ZNF506: variants seen among roughly 807,000 people sequenced by gnomAD.
ZNF506 encodes zinc finger protein 506.
Under a neutral mutation model 11.6 loss-of-function variants are expected in ZNF506, and 10 were observed. The ratio of observed to expected loss-of-function variants is 0.86; its 90% CI spans 0.53 to 1.46. The LOEUF (loss-of-function observed/expected upper bound fraction) is 1.46, where lower values mean the gene tolerates loss of function less well. Among genes scored for constraint, ZNF506 ranks in the 40% most tolerant of loss-of-function variants. ZNF506 has a pLI of 0.00. For missense variants in ZNF506, 425 were observed against 521.2 expected, an observed-to-expected ratio of 0.82 and a Z score of 1.80; for synonymous variants, 156 against 173.3, an observed-to-expected ratio of 0.90 and a Z score of 0.78.
intron 3 of ZNF506, chr19:19,797,708 T>A (rs73008613): frequency 2.0e-5 from 3 of 151,922 alleles, no homozygotes; most frequent in Non-Finnish European, 4.4e-5. Context: ...ATAAACAAAA[T>A]TCCAAAAATC....
chr19:19,815,120 C>T (rs560264168), intron 1 of ZNF506, among the ~76,000 whole-genome samples: 42 of 152,106 alleles, frequency 2.8e-4, no homozygotes, highest in Non-Finnish European at 5.0e-4. Flanking sequence ...ATTAGCCAGG[C>T]GTGGTGGCGG....
At chr19:19,816,565 A>G (rs180751630) in intron 1 of ZNF506, among the ~76,000 whole-genome samples, 1,676 of 152,058 alleles carry the variant, frequency 0.011, 15 homozygotes, top group South Asian at 0.033. Flanking sequence ...TCACCCTGTT[A>G]GCCAGGATGG....
chr19:19,815,865 C>T (rs2062926584), intron 1 of ZNF506, among the ~76,000 whole-genome samples: 1 of 152,108 alleles, frequency 6.6e-6, no homozygotes, highest in South Asian at 2.1e-4. Flanking sequence ...CTGTAGTTAT[C>T]TTTACTGGTT....
chr19:19,812,002 T>C (rs780492700), intron 1 of ZNF506, among the ~76,000 whole-genome samples: 1 of 151,938 alleles, frequency 6.6e-6, no homozygotes, highest in Non-Finnish European at 1.5e-5. Flanking sequence ...GACTGCTTCA[T>C]GTTTTTTTTT....
In ZNF506 at chr19:19,795,901, G is replaced by C. The variant is rs564879431; in HGVS notation, c.227-241C>G. On this transcript the variant is annotated intron_variant, in intron 3 of 3. Coordinates refer to ENST00000540806, the MANE Select transcript of ZNF506 (RefSeq NM_001099269.3). ...GCTCCAGGTGAGCACAATGCAAAGA[G>C]CCACATAGAAAAATAGAAAAAAAGA... is the stretch of plus-strand genomic sequence containing the variant. 3 of 467,798 alleles carry C rather than the reference G, an allele frequency of 6.4e-6. No homozygotes were observed. In the East Asian group the frequency reaches 1.5e-4, roughly 24 times the overall value. The allele number at this position is 467,798 out of a possible 1,614,324, so 29.0% of individuals were successfully genotyped here.
intron 1 of ZNF506, among the ~76,000 whole-genome samples, chr19:19,808,986 CA>C (rs1283204215): frequency 6.6e-6 from 1 of 151,718 alleles, no homozygotes; most frequent in East Asian, 1.9e-4. Flanking sequence ...TAATTTTTTT[CA>C]GAACTTTCTG....
At chr19:19,801,228 C>A (rs938328345) in intron 3 of ZNF506, among the ~76,000 whole-genome samples, 3 of 152,156 alleles carry the variant, frequency 2.0e-5, no homozygotes, top group South Asian at 2.1e-4. Flanking sequence ...CCGTGGCTCA[C>A]GCCCATAATC....
chr19:19,807,977 G>GA (rs2145192303), intron 1 of ZNF506, among the ~76,000 whole-genome samples: 1 of 151,870 alleles, frequency 6.6e-6, no homozygotes, highest in African/African-American at 2.4e-5. Flanking sequence ...AAAAAAATAA[G>GA]AAAGGACAGC....
At chr19:19,805,984 G>A in intron 3 of ZNF506, 47 bp downstream of exon 3, 1 of 1,476,776 alleles carries the variant, frequency 6.8e-7, no homozygotes, top group Non-Finnish European at 9.3e-7. Flanking sequence ...TTGACCTTGG[G>A]ACCTCTATCT....
At chr19:19,819,827 A>G (rs963393929) in intron 1 of ZNF506, among the ~76,000 whole-genome samples, 1 of 152,190 alleles carries the variant, frequency 6.6e-6, no homozygotes, top group Non-Finnish European at 1.5e-5. Context: ...GGTCAGGCGC[A>G]GTGGCTCACG....
Position 19,807,013 on chromosome 19 carries a change from C to A in ZNF506, c.59G>T (p.Cys20Phe), listed in dbSNP as rs748098318. The A allele has an allele frequency of 3.7e-6, 6 of 1,613,912 alleles. No individual in the cohort carries two copies. The East Asian group carries it at 1.1e-4, about 30-fold the overall frequency. ...TAGATTCCGCTGTGCAGCGTCCAGG[C>A]AATGCCACTCCTCCAGAGAGAATTC... is the stretch of plus-strand genomic sequence containing the variant. The part of the protein sequence containing the change: ...AIEFSLEEWH[C>F]LDAAQRNLYR... The change falls in exon 2 of 4, where the codon TGC (cysteine) becomes TTC (phenylalanine). Residue 20 changes from cysteine to phenylalanine, a missense_variant. By Grantham distance (205) the Cys-to-Phe change is radical. Around this residue, in one of 3 missense-constraint regions of ZNF506, gnomAD observed 226 missense variants for 279.1 expected, o/e 0.81. Coordinates refer to ENST00000540806, the MANE Select transcript of ZNF506 (RefSeq NM_001099269.3).
intron 1 of ZNF506, among the ~76,000 whole-genome samples, chr19:19,819,297 T>A (rs1290695702): frequency 6.6e-6 from 1 of 151,812 alleles, no homozygotes; most frequent in Non-Finnish European, 1.5e-5. Context: ...CATCTGATTG[T>A]CTGACCAGCA....
chr19:19,808,769 G>A (rs1166726525), intron 1 of ZNF506, among the ~76,000 whole-genome samples: 1 of 150,070 alleles, frequency 6.7e-6, no homozygotes, highest in African/African-American at 2.5e-5. Context: ...TTTGACCCCG[G>A]GAGGTGAAGT....
chr19:19,804,646 C>T (rs138721603), intron 3 of ZNF506, among the ~76,000 whole-genome samples: 3 of 152,208 alleles, frequency 2.0e-5, no homozygotes, highest in East Asian at 1.9e-4. Flanking sequence ...ATGTTTATTG[C>T]GGCACTACTC....
At chr19:19,800,394 A>ATATATATATATATT (rs1395797947) in intron 3 of ZNF506, among the ~76,000 whole-genome samples, 5 of 9,452 alleles carry the variant, frequency 5.3e-4, no homozygotes, top group East Asian at 4.1e-3. Context: ...TAAACAGAAT[A>ATATATATATATATT]TATATATATA....
At chr19:19,808,579 C>G (rs1292569000) in intron 1 of ZNF506, among the ~76,000 whole-genome samples, 1 of 149,200 alleles carries the variant, frequency 6.7e-6, no homozygotes, top group Non-Finnish European at 1.5e-5. Context: ...GGCGCAGTGA[C>G]TCACGCCTGT....
At chr19:19,816,051 A>G (rs2062928172) in intron 1 of ZNF506, among the ~76,000 whole-genome samples, 1 of 152,128 alleles carries the variant, frequency 6.6e-6, no homozygotes, top group African/African-American at 2.4e-5. Context: ...CCTTCCCATT[A>G]TGAGTTAGAT....
rs2062733351 is a variant in ZNF506 at position 19,795,531 on chromosome 19, C to T, written c.356G>A (p.Ser119Asn). ...DNLQLKKGCE[S>N]VDECPVHKRG... ...TTTGTGCACTGGACACTCATCTACA[C>T]TTTCACAGCCTTTTTTTAACTGTAA... The change falls in exon 4 of 4, where the codon AGT (serine) becomes AAT (asparagine). Residue 119 changes from serine (S) to asparagine (N), a missense_variant. This residue lies in a region of ZNF506 where 226 missense variants were observed against 279.1 expected (regional missense o/e 0.81). Transcript: ENST00000540806. The T allele has an allele frequency of 1.9e-6, 3 of 1,598,268 alleles. No individual in the cohort carries two copies. The South Asian group carries it at 3.4e-5, about 18-fold the overall frequency.
intron 1 of ZNF506, 152 bp downstream of exon 1, chr19:19,821,449 G>C (rs2062966360): frequency 2.0e-6 from 2 of 1,020,500 alleles, no homozygotes; most frequent in Admixed American, 3.6e-5. Context: ...GTTATGGCTG[G>C]GGCGGAGCTG....
Sources: allele counts gnomAD v4.1 joint callset (sites outside exome capture counted in the v4.1 genomes callset), GRCh38; gene constraint gnomAD v4.1.1; regional missense constraint gnomAD v4.1.1; transcripts MANE v1.5; gene names NCBI Gene and HGNC (gene_info 2026-07-23, HGNC 2026-07-21).